Variants in SBF2 observed in about 807,000 individuals in gnomAD.
The protein encoded by SBF2 is SET binding factor 2.
A neutral mutation model predicts 225.2 loss-of-function variants in SBF2; 112 were observed. The observed-to-expected ratio is 0.50, with a 90% confidence interval of 0.43 to 0.58. SBF2 has a LOEUF of 0.58. Among genes scored for constraint, SBF2 ranks in the 20% least tolerant of loss-of-function variants. The pLI, the probability that SBF2 is intolerant of heterozygous loss-of-function variation, is 0.00. For synonymous variants in SBF2, 763 were observed against 773.3 expected (o/e 0.99, Z 0.22); for missense variants, 1,996 against 2,206.2 (o/e 0.90, Z 1.91).
intron 4 of SBF2, among the ~76,000 whole-genome samples, chr11:10,030,356 T>C (rs1949208143): frequency 6.6e-6 from 1 of 152,186 alleles, no homozygotes; most frequent in Admixed American, 6.5e-5. Context: ...AGGTAGGTGG[T>C]AAAACAGACA....
intron 2 of SBF2, among the ~76,000 whole-genome samples, chr11:10,043,491 T>C (rs983578094): frequency 6.6e-6 from 1 of 152,224 alleles, no homozygotes; most frequent in East Asian, 1.9e-4. Context: ...ATAGAATGTC[T>C]GCTGTTAGAC....
At chr11:10,232,089 G>T (rs1441157785) in intron 1 of SBF2, among the ~76,000 whole-genome samples, 1 of 152,246 alleles carries the variant, frequency 6.6e-6, no homozygotes, top group Non-Finnish European at 1.5e-5. Flanking sequence ...GGCTCCATGG[G>T]CATAGGACCC....
At chr11:10,082,476 A>G (rs1343707266) in intron 2 of SBF2, among the ~76,000 whole-genome samples, 3 of 152,206 alleles carry the variant, frequency 2.0e-5, no homozygotes, top group Admixed American at 2.0e-4. Flanking sequence ...CACAGACACA[A>G]AAATCCTTGA....
chr11:10,004,339 T>G (rs745727840), intron 6 of SBF2, among the ~76,000 whole-genome samples: 14 of 152,210 alleles, frequency 9.2e-5, no homozygotes, highest in Admixed American at 3.3e-4. Context: ...ACTAAGGTTT[T>G]GGTACACTTA....
intron 17 of SBF2, among the ~76,000 whole-genome samples, chr11:9,865,716 A>AAAGG (rs869062160): frequency 9.6e-6 from 1 of 104,230 alleles, no homozygotes; most frequent in Non-Finnish European, 2.1e-5. Context: ...AAAAAAAAAA[A>AAAGG]GGCGGGAGGC....
intron 17 of SBF2, among the ~76,000 whole-genome samples, chr11:9,891,971 T>G (rs888732574): frequency 6.6e-6 from 1 of 152,318 alleles, no homozygotes; most frequent in Non-Finnish European, 1.5e-5. Context: ...ATCTTTTCAT[T>G]ACAAATATAA....
At chr11:10,182,735 T>TTTGTTG (rs201192340) in intron 2 of SBF2, among the ~76,000 whole-genome samples, 7 of 151,300 alleles carry the variant, frequency 4.6e-5, no homozygotes, top group Admixed American at 6.6e-5. Context: ...TCTATGTCTT[T>TTTGTTG]TTGTTGTTGT....
intron 2 of SBF2, among the ~76,000 whole-genome samples, chr11:10,048,378 G>A (rs936594481): frequency 2.0e-5 from 3 of 152,164 alleles, no homozygotes; most frequent in Non-Finnish European, 4.4e-5. Context: ...TCTTTACTGT[G>A]AGTAAAACTG....
At chr11:10,178,105 TTTAATAAATG>T (rs1488694304) in intron 2 of SBF2, among the ~76,000 whole-genome samples, 1 of 147,172 alleles carries the variant, frequency 6.8e-6, no homozygotes, top group Admixed American at 6.9e-5. Context: ...GGATTCTCTA[TTTAATAAATG>T]GTGCTGGGAA....
At chr11:9,962,133 C>A (rs767273665) in intron 15 of SBF2, 27 bp from the exon 16 acceptor site, 1 of 1,608,472 alleles carries the variant, frequency 6.2e-7, no homozygotes, top group South Asian at 1.1e-5. Context: ...TACAAATGAC[C>A]AAATGGTACC....
intron 2 of SBF2, among the ~76,000 whole-genome samples, chr11:10,103,556 G>A (rs1328685092): frequency 6.6e-6 from 1 of 152,068 alleles, no homozygotes; most frequent in Non-Finnish European, 1.5e-5. Context: ...TTTACCTGTG[G>A]CTAAGACTTT....
At chr11:9,829,085 GGC>G (rs1278736000) in intron 28 of SBF2, among the ~76,000 whole-genome samples, 1 of 151,752 alleles carries the variant, frequency 6.6e-6, no homozygotes, top group Non-Finnish European at 1.5e-5. Flanking sequence ...GACCAGACTG[GGC>G]AACACAGTGA....
chr11:10,184,948 G>A lies in SBF2; in HGVS notation c.141+8954C>T, dbSNP rs368578298. 7.2e-5 allele frequency among the ~76,000 whole-genome samples: 11 copies of A among 152,064 alleles called. No homozygotes were observed. The South Asian group carries it at 1.0e-3, about 14-fold the overall frequency. Reference sequence around the variant, plus strand: ...TCACCGTGTTAGCCAGGATGGTCTCGATCTCCTAGTATTTGTGTTTTTTTG... The same window carrying A: ...TCACCGTGTTAGCCAGGATGGTCTCAATCTCCTAGTATTTGTGTTTTTTTG... On this transcript the variant is annotated intron_variant, in intron 2 of 39. Coordinates refer to ENST00000256190, the MANE Select transcript of SBF2 (RefSeq NM_030962.4).
At chr11:10,241,230 G>T (rs11827277) in intron 1 of SBF2, among the ~76,000 whole-genome samples, 1 of 152,068 alleles carries the variant, frequency 6.6e-6, no homozygotes, top group African/African-American at 2.4e-5. Flanking sequence ...GCACACGCCT[G>T]TACTCCCAGC....
intron 1 of SBF2, among the ~76,000 whole-genome samples, chr11:10,199,444 G>C (rs1419639873): frequency 2.0e-5 from 3 of 151,894 alleles, no homozygotes; most frequent in African/African-American, 7.3e-5. Context: ...ATGAGCCCAA[G>C]CTGTTGGCAA....
intron 2 of SBF2, chr11:10,149,248 A>G (rs1470707744): frequency 6.6e-6 from 1 of 152,138 alleles, no homozygotes; most frequent in Non-Finnish European, 1.5e-5. Flanking sequence ...TCTTAATCTG[A>G]CCATTATATC....
At chr11:10,257,077 C>T (rs944355090) in intron 1 of SBF2, among the ~76,000 whole-genome samples, 2 of 152,150 alleles carry the variant, frequency 1.3e-5, no homozygotes, top group African/African-American at 2.4e-5. Flanking sequence ...GGAAACATCA[C>T]GCATTAGCAA....
At chr11:9,997,755 G>A (rs186912636) in intron 9 of SBF2, among the ~76,000 whole-genome samples, 45 of 152,334 alleles carry the variant, frequency 3.0e-4, no homozygotes, top group African/African-American at 1.1e-3. Flanking sequence ...TCCAGCCTGG[G>A]CGACAGAGCA....
chr11:10,027,144 T>C (rs1050770334), intron 6 of SBF2, among the ~76,000 whole-genome samples: 10 of 152,290 alleles, frequency 6.6e-5, no homozygotes, highest in African/African-American at 2.4e-4. Flanking sequence ...CAATACATTG[T>C]TATTAACTGT....
Sources: allele counts gnomAD v4.1 joint callset (sites outside exome capture counted in the v4.1 genomes callset), GRCh38; gene constraint gnomAD v4.1.1; transcripts MANE v1.5; gene names NCBI Gene and HGNC (gene_info 2026-07-23, HGNC 2026-07-21).